Variants in PHB1 observed in about 807,000 individuals in gnomAD.
PHB1 encodes the protein epididymis luminal protein 215.
At chr17:49,404,569 C>T in the PHB1 span, 3 of 257,822 alleles carry the variant, frequency 1.2e-5, no homozygotes, top group Non-Finnish European at 2.3e-5. Context: ...CTCAGTTCAG[C>T]CGCACATGCC....
chr17:49,405,725 T>C, the PHB1 span, among the ~76,000 whole-genome samples: 1 of 152,050 alleles, frequency 6.6e-6, no homozygotes, highest in South Asian at 2.1e-4. Context: ...CAGTGAGCTA[T>C]GATCATGCCA....
chr17:49,406,243 T>C, the PHB1 span, among the ~76,000 whole-genome samples: 1 of 152,210 alleles, frequency 6.6e-6, no homozygotes, highest in African/African-American at 2.4e-5. Context: ...GGGATACTGG[T>C]GGTGGGAAGA....
the PHB1 span, chr17:49,404,696 G>A: frequency 4.6e-6 from 2 of 438,942 alleles, no homozygotes; most frequent in South Asian, 2.1e-5. Context: ...AAATGCTGGT[G>A]CCCAGGCCGG....
At chr17:49,410,652 T>C in the PHB1 span, among the ~76,000 whole-genome samples, 1 of 152,236 alleles carries the variant, frequency 6.6e-6, no homozygotes, top group African/African-American at 2.4e-5. Context: ...AGTTCGGGTC[T>C]GGTGGAAACG....
chr17:49,408,402 C>T, the PHB1 span, among the ~76,000 whole-genome samples: 1 of 152,224 alleles, frequency 6.6e-6, no homozygotes, highest in Non-Finnish European at 1.5e-5. Flanking sequence ...AACACGACCC[C>T]TTCCCCTCAC....
the PHB1 span, chr17:49,413,411 T>TAA: frequency 1.6e-6 from 1 of 625,932 alleles, no homozygotes. Context: ...CTGAAAGTGC[T>TAA]AAATCATCCA....
chr17:49,409,154 C>T, the PHB1 span: 64 of 1,612,910 alleles, frequency 4.0e-5, no homozygotes, highest in African/African-American at 1.2e-4. Flanking sequence ...AGCATCAAAG[C>T]GAGCCTGGTT....
chr17:49,409,531 T>G, the PHB1 span: 1 of 1,376,198 alleles, frequency 7.3e-7, no homozygotes, highest in South Asian at 1.3e-5. Context: ...GGAAAACAAG[T>G]GTTTTTTTTT....
the PHB1 span, chr17:49,411,786 T>C: frequency 6.8e-6 from 11 of 1,614,118 alleles, no homozygotes; most frequent in Non-Finnish European, 9.3e-6. Context: ...CCTACCACAA[T>C]GTCCTGCACT....
chr17:49,404,987 G>A, the PHB1 span: 67 of 1,548,194 alleles, frequency 4.3e-5, no homozygotes, highest in Admixed American at 2.0e-4. Context: ...AGGCAGGGTG[G>A]GCCCTCACTG....
chr17:49,409,011 T>C, the PHB1 span: 1 of 1,388,950 alleles, frequency 7.2e-7, no homozygotes, highest in Non-Finnish European at 1.0e-6. Context: ...CTGCAGCCCC[T>C]TCCCCTCCTC....
At chr17:49,407,027 C>T in the PHB1 span, 48 of 625,474 alleles carry the variant, frequency 7.7e-5, no homozygotes, top group African/African-American at 8.1e-4. Flanking sequence ...TGAGTTTACA[C>T]CCAGACTCTC....
At chr17:49,407,017 T>C in the PHB1 span, 1 of 640,264 alleles carries the variant, frequency 1.6e-6, no homozygotes, top group South Asian at 1.7e-5. Flanking sequence ...GTATCCAAAC[T>C]GAGTTTACAC....
At chr17:49,409,288 G>C in the PHB1 span, 2 of 1,612,376 alleles carry the variant, frequency 1.2e-6, no homozygotes, top group Non-Finnish European at 8.5e-7. Context: ...ACCCTCCCAG[G>C]GTGGTGCTCT....
At chr17:49,406,776 T>G in the PHB1 span, 1 of 1,613,538 alleles carries the variant, frequency 6.2e-7, no homozygotes, top group Non-Finnish European at 8.5e-7. Flanking sequence ...ACCACAAATC[T>G]GGCCCTCTCT....
chr17:49,405,358 G>A, the PHB1 span, among the ~76,000 whole-genome samples: 3 of 152,178 alleles, frequency 2.0e-5, no homozygotes, highest in African/African-American at 4.8e-5. Context: ...GAAGCGGGGG[G>A]AAGCAGAGCA....
chr17:49,413,132 A>G, the PHB1 span: 1 of 1,405,534 alleles, frequency 7.1e-7, no homozygotes. Flanking sequence ...ACCAACAGAA[A>G]ACTCCTAGGA....
the PHB1 span, chr17:49,405,109 G>A: frequency 3.7e-6 from 6 of 1,613,538 alleles, no homozygotes; most frequent in Non-Finnish European, 5.1e-6. Flanking sequence ...GCTCGATCAG[G>A]CCATCCCCTG....
At chr17:49,405,217 A>C in the PHB1 span, 3 of 1,611,034 alleles carry the variant, frequency 1.9e-6, no homozygotes, top group Non-Finnish European at 2.5e-6. Flanking sequence ...AAAAGAATGG[A>C]GGTGGAGACA....
Sources: allele counts gnomAD v4.1 joint callset (sites outside exome capture counted in the v4.1 genomes callset), GRCh38; gene constraint gnomAD v4.1.1; transcripts MANE v1.5; gene names NCBI Gene and HGNC (gene_info 2026-07-23, HGNC 2026-07-21).